ILKAP: variants seen among roughly 807,000 people sequenced by gnomAD.
ILKAP encodes ILK associated serine/threonine phosphatase, also known as integrin-linked kinase-associated serine/threonine phosphatase 2C.
A neutral mutation model predicts 49.1 loss-of-function variants in ILKAP; 11 were observed. The ratio of observed to expected loss-of-function variants is 0.22; its 90% confidence interval spans 0.14 to 0.37. The LOEUF (loss-of-function observed/expected upper bound fraction) is 0.37, where lower values mean the gene tolerates loss of function less well. ILKAP is among the 10% of genes least tolerant of loss of function. The pLI is 1.00. For missense variants in ILKAP, 363 were observed against 510.8 expected (o/e 0.71, Z 2.79); for synonymous variants, 186 against 192.8 (o/e 0.96, Z 0.29).
intron 9 of ILKAP, among the ~76,000 whole-genome samples, chr2:238,175,538 C>A (rs1046449461): frequency 6.6e-6 from 1 of 152,182 alleles, no homozygotes; most frequent in African/African-American, 2.4e-5. Context: ...TATGCCTACA[C>A]TCAATGCGAT....
intron 6 of ILKAP, among the ~76,000 whole-genome samples, chr2:238,184,545 C>T (rs1693825159): frequency 6.6e-6 from 1 of 151,688 alleles, no homozygotes; most frequent in South Asian, 2.1e-4. Context: ...AAGAACAATC[C>T]CTATTTCTTT....
intron 9 of ILKAP, among the ~76,000 whole-genome samples, chr2:238,176,134 G>GTTTT (rs1664405052): frequency 8.8e-5 from 3 of 33,900 alleles, no homozygotes; most frequent in Admixed American, 7.6e-4. Flanking sequence ...GCAAGTAGTG[G>GTTTT]CTTTTTTTTT....
intron 5 of ILKAP, chr2:238,185,500 A>T (rs538817225): frequency 5.9e-4 from 180 of 307,134 alleles, no homozygotes; most frequent in African/African-American, 1.1e-3. Flanking sequence ...ATCTTTTTTT[A>T]AAAAAAAAAT....
intron 3 of ILKAP, among the ~76,000 whole-genome samples, chr2:238,192,771 T>C (rs942730584): frequency 4.0e-5 from 6 of 151,818 alleles, no homozygotes; most frequent in African/African-American, 1.5e-4. Context: ...TCTCAGCACT[T>C]TGGGAGGCTG....
intron 3 of ILKAP, among the ~76,000 whole-genome samples, chr2:238,192,797 A>G (rs1694191978): frequency 6.6e-6 from 1 of 151,972 alleles, no homozygotes. Flanking sequence ...GACAGATCAC[A>G]AGGTCAGGAG....
chr2:238,196,283 G>A (rs1382131566), intron 1 of ILKAP, among the ~76,000 whole-genome samples: 1 of 151,962 alleles, frequency 6.6e-6, no homozygotes, highest in African/African-American at 2.4e-5. Context: ...TAGAGACATG[G>A]TCTCACCATA....
intron 9 of ILKAP, among the ~76,000 whole-genome samples, chr2:238,179,489 C>T (rs1208698508): frequency 6.6e-6 from 1 of 152,200 alleles, no homozygotes; most frequent in Non-Finnish European, 1.5e-5. Context: ...TCATCTTTGA[C>T]ATCCCTGATG....
chr2:238,173,789 G>A, intron 9 of ILKAP, 136 bp from the exon 10 acceptor site: 1 of 1,056,808 alleles, frequency 9.5e-7, no homozygotes, highest in Non-Finnish European at 1.3e-6. Context: ...AACCACTACT[G>A]ACATTTCTTG....
In ILKAP at chr2:238,170,751, G is replaced by A. The variant is rs893182838; in HGVS notation, c.1039-75C>T. 28 of 1,596,646 alleles carry A rather than the reference G, an allele frequency of 1.8e-5. No homozygotes were observed. In the African/African-American group the frequency reaches 3.6e-4, roughly 21 times the overall value. On this transcript the variant is annotated intron_variant, in intron 11 of 11. Transcript: ENST00000254654. Reference sequence around the variant, plus strand: ...CACTTTCCTGAGACATGACTGCCAGGAAGAAGAGCTGCTCTGGTCTCCATC... The same window carrying A: ...CACTTTCCTGAGACATGACTGCCAGAAAGAAGAGCTGCTCTGGTCTCCATC...
intron 3 of ILKAP, among the ~76,000 whole-genome samples, chr2:238,193,198 T>G (rs1361722796): frequency 1.3e-5 from 2 of 152,220 alleles, no homozygotes; most frequent in Admixed American, 6.5e-5. Flanking sequence ...ATTAAATCCC[T>G]TAACAGCCTT....
intron 6 of ILKAP, 65 bp downstream of exon 6, chr2:238,185,116 T>C (rs1693849947): frequency 2.0e-6 from 2 of 1,003,272 alleles, no homozygotes; most frequent in East Asian, 4.9e-5. Context: ...ATCTGACTGC[T>C]TCACACAGCC....
At chr2:238,181,970 A>G in intron 9 of ILKAP, 95 bp downstream of exon 9, 3 of 1,332,186 alleles carry the variant, frequency 2.3e-6, no homozygotes, top group Non-Finnish European at 3.2e-6. Context: ...ACTGAAGACT[A>G]CGTAACAGGG....
At chr2:238,192,318 T>C (rs1326815643) in intron 3 of ILKAP, among the ~76,000 whole-genome samples, 2 of 152,208 alleles carry the variant, frequency 1.3e-5, no homozygotes, top group Admixed American at 1.3e-4. Context: ...AGTCTGAGAA[T>C]GTAGTCTGTA....
chr2:238,197,384 CACAGAGCCAGATGTCTT>C (rs1694387132), intron 1 of ILKAP, among the ~76,000 whole-genome samples: 1 of 152,150 alleles, frequency 6.6e-6, no homozygotes, highest in South Asian at 2.1e-4. Flanking sequence ...TCAGTGGTGT[CACAGAGCCAGATGTCTT>C]AGGACAAGGG....
At chr2:238,192,551 T>C (rs1193655638) in intron 3 of ILKAP, among the ~76,000 whole-genome samples, 1 of 151,338 alleles carries the variant, frequency 6.6e-6, no homozygotes, top group African/African-American at 2.4e-5. Flanking sequence ...TACAAAAAAA[T>C]TAGGTGGGCG....
At chr2:238,172,604 G>A (rs1693274182) in intron 10 of ILKAP, among the ~76,000 whole-genome samples, 1 of 152,240 alleles carries the variant, frequency 6.6e-6, no homozygotes, top group South Asian at 2.1e-4. Flanking sequence ...GGACCCCGCG[G>A]TACGTGAGAA....
intron 9 of ILKAP, chr2:238,174,008 G>A (rs1358651973): frequency 1.4e-5 from 3 of 213,844 alleles, no homozygotes; most frequent in Non-Finnish European, 2.8e-5. Context: ...GAGCCTGGCA[G>A]TGTTTTGTAT....
rs188281605 is a variant in ILKAP at position 238,190,073 on chromosome 2, T to C, written c.179-101A>G. ...TCCTAGCACTCAAAGACAAGGTCAT[T>C]TGAAGCAAGGACTGGCAGACACAGG... is the stretch of plus-strand genomic sequence containing the variant. On this transcript the variant is annotated intron_variant, in intron 3 of 11. Coordinates refer to ENST00000254654, the MANE Select transcript of ILKAP (RefSeq NM_030768.3). 3.9e-5 allele frequency: 52 copies of C among 1,337,624 alleles called. No homozygotes were observed. Among genetic ancestry groups the C allele is most frequent in the Non-Finnish European group, 4.6e-5 (45 of 981,516 alleles). 82.9% of individuals were successfully genotyped at this position (1,337,624 alleles called of 1,614,324 possible).
rs772909815 is a variant in ILKAP at position 238,194,886 on chromosome 2, C to T, written c.56-16G>A. ...GCTTCTTTCCCTAAAACACAGAAAA[C>T]CTGTTTAGAGAGCATATGGTCATCA... is the stretch of plus-strand genomic sequence containing the variant. On this transcript the variant is annotated splice_polypyrimidine_tract_variant and intron_variant, in intron 1 of 11. Coordinates refer to ENST00000254654, the MANE Select transcript of ILKAP (RefSeq NM_030768.3). 2.2e-5 allele frequency: 35 copies of T among 1,602,206 alleles called. No individual in the cohort carries two copies. The highest frequency in any genetic ancestry group is 3.3e-4 in the Middle Eastern group (2 of 6,062).
Sources: allele counts gnomAD v4.1 joint callset (sites outside exome capture counted in the v4.1 genomes callset), GRCh38; gene constraint gnomAD v4.1.1; transcripts MANE v1.5; gene names NCBI Gene and HGNC (gene_info 2026-07-23, HGNC 2026-07-21).